Variants in WDR25 observed in about 807,000 individuals in gnomAD.
WDR25 encodes WD repeat domain 25, also known as WD repeat-containing protein 25.
In WDR25, 35 loss-of-function variants were observed where a neutral mutation model predicts 47.7. The observed-to-expected ratio is 0.73, with a 90% confidence interval of 0.56 to 0.97. The LOEUF is 0.97. Among genes scored for constraint, WDR25 ranks in the 50% least tolerant of loss-of-function variants. WDR25 has a pLI of 0.00. For synonymous variants in WDR25, 248 were observed against 278.9 expected, an observed-to-expected ratio of 0.89 and a Z score of 1.10; for missense variants, 634 against 704.7, an observed-to-expected ratio of 0.90 and a Z score of 1.14.
At chr14:100,466,810 G>C (rs191814436) in intron 2 of WDR25, among the ~76,000 whole-genome samples, 1 of 152,358 alleles carries the variant, frequency 6.6e-6, no homozygotes, top group East Asian at 1.9e-4. Flanking sequence ...TCATCCTGCA[G>C]TGACAAGAAG....
chr14:100,376,534 C>T, intron 1 of WDR25, 39 bp downstream of exon 1: 5 of 1,231,914 alleles, frequency 4.1e-6, no homozygotes, highest in Non-Finnish European at 4.0e-6. Flanking sequence ...CTGGAGGGGC[C>T]GGGACTGGGC....
At chr14:100,463,489 T>C (rs922128203) in intron 2 of WDR25, among the ~76,000 whole-genome samples, 5 of 152,102 alleles carry the variant, frequency 3.3e-5, no homozygotes, top group African/African-American at 1.2e-4. Flanking sequence ...CTCTCTCTCC[T>C]CCCCTGGTTC....
intron 4 of WDR25, among the ~76,000 whole-genome samples, chr14:100,519,238 T>TTTTG: frequency 1.3e-5 from 2 of 150,600 alleles, no homozygotes; most frequent in Middle Eastern, 3.4e-3. Context: ...CAGAGTTTTT[T>TTTTG]TGTGTGTGTG....
chr14:100,476,592 G>T (rs764915891), intron 3 of WDR25: 10 of 152,212 alleles, frequency 6.6e-5, no homozygotes, highest in African/African-American at 2.4e-4. Context: ...GTAGGGTGCC[G>T]AGAGCTGGCC....
At chr14:100,422,270 A>G (rs1169336063) in intron 2 of WDR25, among the ~76,000 whole-genome samples, 1 of 152,102 alleles carries the variant, frequency 6.6e-6, no homozygotes, top group East Asian at 1.9e-4. Context: ...TTGCTGGAGT[A>G]TTACATGTGG....
intron 2 of WDR25, among the ~76,000 whole-genome samples, chr14:100,416,703 C>T (rs1173248365): frequency 6.6e-6 from 1 of 152,226 alleles, no homozygotes; most frequent in African/African-American, 2.4e-5. Context: ...TGCTGTAGCA[C>T]CATGTGCACC....
chr14:100,385,032 A>AGG (rs1896988043), intron 2 of WDR25, among the ~76,000 whole-genome samples: 1 of 152,238 alleles, frequency 6.6e-6, no homozygotes, highest in African/African-American at 2.4e-5. Context: ...AATGCCTGGC[A>AGG]CATAGCAGGC....
chr14:100,470,503 G>A (rs917795573), intron 3 of WDR25, among the ~76,000 whole-genome samples: 5 of 77,192 alleles, frequency 6.5e-5, no homozygotes, highest in Admixed American at 4.5e-4. Context: ...GTGGGTGGGT[G>A]TGAGTGGGGT....
Position 100,449,604 on chromosome 14 carries a change from G to A in WDR25, c.823-18417G>A, listed in dbSNP as rs1898956979. On this transcript the variant is annotated intron_variant, in intron 2 of 6. Coordinates refer to ENST00000402312, the MANE Select transcript of WDR25 (RefSeq NM_001161476.3). This position sits in a 1 kb window ranked among gnomAD's most constrained non-coding sequence, Gnocchi z 4.2. ...TGCCTCCACCCAGACTGGGCCTTCA[G>A]AAGGAATTAAGTTGGAGGCCATTAA... Among the ~76,000 whole-genome samples the A allele has an allele frequency of 6.6e-6, 1 of 152,224 alleles. No homozygotes were observed. Among genetic ancestry groups the A allele is most frequent in the South Asian group, 2.1e-4 (1 of 4,830 alleles).
intron 3 of WDR25, among the ~76,000 whole-genome samples, chr14:100,471,609 G>A (rs892686304): frequency 6.6e-6 from 1 of 152,206 alleles, no homozygotes; most frequent in Non-Finnish European, 1.5e-5. Context: ...TCCCTGCCAG[G>A]AGAAGGCAGT....
chr14:100,506,459 A>T lies in WDR25; in HGVS notation c.1102-19411A>T, dbSNP rs116277229. On this transcript the variant is annotated intron_variant, in intron 4 of 6. Transcript: ENST00000402312. The surrounding 1 kb of genome is among the most constrained non-coding windows in gnomAD (Gnocchi z 4.8). ...TGGGATTGCTGGGATAAATGGTAGT[A>T]CTGTTTTATGTTCTTTGAGAAACCT... Among the ~76,000 whole-genome samples, 306 of 152,312 alleles carry T rather than the reference A, an allele frequency of 2.0e-3. 2 individuals carry two copies. The highest frequency in any genetic ancestry group is 7.3e-3 in the African/African-American group (302 of 41,582).
chr14:100,388,526 G>C (rs186283968), intron 2 of WDR25, among the ~76,000 whole-genome samples: 4 of 152,172 alleles, frequency 2.6e-5, no homozygotes, highest in Non-Finnish European at 5.9e-5. Context: ...CTTTAGACTG[G>C]TTGGCAGCAG....
intron 2 of WDR25, among the ~76,000 whole-genome samples, chr14:100,383,249 A>C (rs1896945961): frequency 6.6e-6 from 1 of 152,114 alleles, no homozygotes; most frequent in African/African-American, 2.4e-5. Flanking sequence ...TTTTCCACTT[A>C]GGTCTTTGGT....
chr14:100,493,868 G>A (rs1210427275), intron 4 of WDR25, among the ~76,000 whole-genome samples: 1 of 152,158 alleles, frequency 6.6e-6, no homozygotes, highest in Non-Finnish European at 1.5e-5. Context: ...ACCCCTGTAA[G>A]AAGAGACACG....
At chr14:100,421,226 TCA>T (rs1276467185) in intron 2 of WDR25, among the ~76,000 whole-genome samples, 1 of 152,186 alleles carries the variant, frequency 6.6e-6, no homozygotes, top group Non-Finnish European at 1.5e-5. Context: ...TGTTTCAAGT[TCA>T]CAGAGTCCCT....
chr14:100,434,337 A>G (rs183664213), intron 2 of WDR25, among the ~76,000 whole-genome samples: 3 of 152,294 alleles, frequency 2.0e-5, no homozygotes, highest in African/African-American at 7.2e-5. Context: ...CCCCTCCAAC[A>G]GTGAAACCTG....
chr14:100,399,664 G>T (rs553983295), intron 2 of WDR25, among the ~76,000 whole-genome samples: 2 of 152,188 alleles, frequency 1.3e-5, no homozygotes, highest in East Asian at 1.9e-4. Flanking sequence ...TTCTAACGAT[G>T]ATGACGCAGA....
In WDR25 at chr14:100,429,965, C is replaced by T. The variant is rs148450721; in HGVS notation, c.823-38056C>T. On this transcript the variant is annotated intron_variant, in intron 2 of 6. Transcript: ENST00000402312. ...AAGTCCCATCTCCAAGTGCAGCCAC[C>T]TGGGGAGTTAGGGCTTCAACATATG... 3.5e-3 allele frequency among the ~76,000 whole-genome samples: 528 copies of T among 152,234 alleles called. 4 individuals carry two copies. Among genetic ancestry groups the T allele is most frequent in the African/African-American group, 0.012 (517 of 41,542 alleles).
In WDR25 at chr14:100,428,525, C is replaced by T. The variant is rs1398220389; in HGVS notation, c.823-39496C>T. Among the ~76,000 whole-genome samples the T allele has an allele frequency of 1.3e-5, 2 of 152,138 alleles. No individual in the cohort carries two copies. Among genetic ancestry groups the T allele is most frequent in the African/African-American group, 4.8e-5 (2 of 41,422 alleles). ...CGGGGGCTGCACATGGTGCCTGTCT[C>T]TCTGCGTTCTTAGTGGAGGTGGCCC... is the stretch of plus-strand genomic sequence containing the variant. On this transcript the variant is annotated intron_variant, in intron 2 of 6. Transcript: ENST00000402312. This position sits in a 1 kb window ranked among gnomAD's most constrained non-coding sequence, Gnocchi z 4.3.
Sources: allele counts gnomAD v4.1 joint callset (sites outside exome capture counted in the v4.1 genomes callset), GRCh38; gene constraint gnomAD v4.1.1; non-coding constraint Gnocchi (gnomAD v3.1); transcripts MANE v1.5; gene names NCBI Gene and HGNC (gene_info 2026-07-23, HGNC 2026-07-21).